Variants in RUFY4 observed in about 807,000 individuals in gnomAD.
RUFY4 encodes the protein RUN and FYVE domain containing 4, also known as RUN and FYVE domain-containing protein 4.
RUFY4 carries 73 observed loss-of-function variants against 69.0 expected under a neutral mutation model. The ratio of observed to expected loss-of-function variants is 1.06; its 90% CI spans 0.88 to 1.29. The LOEUF (loss-of-function observed/expected upper bound fraction) is 1.29. Ranked by LOEUF, RUFY4 falls within the 50% of genes most tolerant of loss-of-function variation. The pLI is 0.00. For missense variants in RUFY4, 770 were observed against 705.6 expected, an observed-to-expected ratio of 1.09 and a Z score of -1.03; for synonymous variants, 287 against 271.8, an observed-to-expected ratio of 1.06 and a Z score of -0.55.
intron 9 of RUFY4, 135 bp downstream of exon 11, chr2:218,083,391 T>C: frequency 8.3e-7 from 1 of 1,199,432 alleles, no homozygotes; most frequent in South Asian, 1.8e-5. Context: ...CTAACCCTTC[T>C]GTTTCTTTTA....
chr2:218,080,733 C>T (rs1689742396), intron 8 of RUFY4, among the ~76,000 whole-genome samples: 1 of 152,228 alleles, frequency 6.6e-6, no homozygotes, highest in South Asian at 2.1e-4. Context: ...CCTTGGAGTC[C>T]TGCCAGGCTC....
chr2:218,038,234 A>C (rs1374092191), intron 2 of RUFY4, among the ~76,000 whole-genome samples: 3 of 152,072 alleles, frequency 2.0e-5, no homozygotes, highest in African/African-American at 7.3e-5. Flanking sequence ...CAGCTGCTTG[A>C]ATAAAAAAAA....
chr2:218,075,828 T>G (rs1689618854), intron 7 of RUFY4, 88 bp downstream of exon 9: 4 of 1,258,078 alleles, frequency 3.2e-6, no homozygotes, highest in Non-Finnish European at 4.2e-6. Context: ...CCTGGGACCA[T>G]TCCCTCCCAC....
chr2:218,088,455 CAAAAAAAA>C (rs112643399), intron 9 of RUFY4, among the ~76,000 whole-genome samples: 1 of 88,302 alleles, frequency 1.1e-5, no homozygotes, highest in African/African-American at 3.4e-5. Flanking sequence ...GAGATGCTGT[CAAAAAAAA>C]AAAAAAAGAA....
At chr2:218,060,473 T>G in intron 3 of RUFY4, 2 of 1,362,658 alleles carry the variant, frequency 1.5e-6, no homozygotes, top group Non-Finnish European at 2.1e-6. Flanking sequence ...TTCTGGCCAA[T>G]GAAGGCGTAG....
At chr2:218,066,119 T>C (rs2106041407), upstream of RUFY4, among the ~76,000 whole-genome samples, 1 of 144,996 alleles carries the variant, frequency 6.9e-6, no homozygotes, top group South Asian at 2.3e-4. Flanking sequence ...TGGGGAAGGA[T>C]GGTTGCTGAG....
chr2:218,061,094 A>G (rs984898879), intron 3 of RUFY4: 1 of 565,790 alleles, frequency 1.8e-6, no homozygotes, highest in East Asian at 4.1e-5. Context: ...CCAGCCATTC[A>G]TCTTGGAGGC....
intron 8 of RUFY4, among the ~76,000 whole-genome samples, chr2:218,080,530 G>A (rs1689736831): frequency 6.6e-6 from 1 of 152,200 alleles, no homozygotes; most frequent in Non-Finnish European, 1.5e-5. Flanking sequence ...AGGAGACGGT[G>A]GGATAGCTAA....
chr2:218,078,247 G>T (rs1225164435), intron 8 of RUFY4, among the ~76,000 whole-genome samples: 1 of 152,218 alleles, frequency 6.6e-6, no homozygotes, highest in Non-Finnish European at 1.5e-5. Context: ...GGACATGTTG[G>T]TGTGGTATTT....
At chr2:218,068,237 A>C (rs1195539459), upstream of RUFY4, among the ~76,000 whole-genome samples, 1 of 147,658 alleles carries the variant, frequency 6.8e-6, no homozygotes, top group Non-Finnish European at 1.5e-5. Context: ...AGAGGAGGGC[A>C]GGGGACTGGA....
chr2:218,088,294 C>T (rs1056215645), intron 9 of RUFY4, among the ~76,000 whole-genome samples: 3 of 151,550 alleles, frequency 2.0e-5, no homozygotes, highest in Non-Finnish European at 4.4e-5. Context: ...GGCAACATGT[C>T]GAAACCCCAT....
upstream of RUFY4, chr2:218,070,163 G>T (rs1689450163): frequency 4.9e-5 from 11 of 222,956 alleles, no homozygotes; most frequent in South Asian, 8.0e-4. Context: ...CCCTCACGGG[G>T]TCACTCACAC....
exon 8 of RUFY4, chr2:218,076,527 T>A (rs1397792909): frequency 6.5e-7 from 1 of 1,550,080 alleles, no homozygotes; most frequent in East Asian, 2.5e-5. Context: ...CGGGAGCAGC[T>A]CAGCAGGTAA....
In RUFY4 at chr2:218,072,053, GATCAAGATGTAAGT is replaced by G. The variant is rs1242732275; in HGVS notation, c.154-306_154-293del. Among the ~76,000 whole-genome samples, 10 of 152,088 alleles carry G rather than the reference GATCAAGATGTAAGT, an allele frequency of 6.6e-5. No homozygotes were observed. In the East Asian group the frequency reaches 1.5e-3, roughly 23 times the overall value. ...GAGTGGACACCACCAGCCTAGTGTG[GATCAAGATGTAAGT>G]ATCAAGATGTAAGTTCCATGAAGTC... On this transcript the variant is annotated intron_variant, in intron 2 of 10. Transcript: ENST00000344321.
At chr2:218,078,723 T>C (rs1689693251) in intron 8 of RUFY4, among the ~76,000 whole-genome samples, 1 of 152,174 alleles carries the variant, frequency 6.6e-6, no homozygotes, top group Non-Finnish European at 1.5e-5. Flanking sequence ...TCAGAACATT[T>C]CCATCTCCCC....
At chr2:218,049,124 T>A (rs183828820) in intron 2 of RUFY4, among the ~76,000 whole-genome samples, 1 of 152,322 alleles carries the variant, frequency 6.6e-6, no homozygotes, top group Admixed American at 6.5e-5. Flanking sequence ...CACAGCATTT[T>A]TTGTTGTTGC....
intron 8 of RUFY4, among the ~76,000 whole-genome samples, chr2:218,082,330 A>G (rs1024672832): frequency 6.6e-6 from 1 of 152,164 alleles, no homozygotes; most frequent in Non-Finnish European, 1.5e-5. Context: ...TCCACACACA[A>G]TTATTTCCAG....
chr2:218,067,641 G>C (rs1288452179), upstream of RUFY4, among the ~76,000 whole-genome samples: 4 of 152,144 alleles, frequency 2.6e-5, no homozygotes, highest in Non-Finnish European at 5.9e-5. Context: ...CAAGCTCCAG[G>C]CTCTCCCAAG....
intron 8 of RUFY4, among the ~76,000 whole-genome samples, chr2:218,080,898 A>C (rs1184229622): frequency 1.3e-5 from 2 of 151,432 alleles, no homozygotes; most frequent in Non-Finnish European, 2.9e-5. Flanking sequence ...TGCCCCCTCC[A>C]CTCATCAAGC....
Sources: allele counts gnomAD v4.1 joint callset (sites outside exome capture counted in the v4.1 genomes callset), GRCh38; gene constraint gnomAD v4.1.1; transcripts MANE v1.5; gene names NCBI Gene and HGNC (gene_info 2026-07-23, HGNC 2026-07-21).